The following EYS variants were observed in gnomAD, a reference collection of about 807,000 sequenced individuals.
The protein encoded by EYS is protein eyes shut homolog.
Under a neutral mutation model 282.1 loss-of-function variants are expected in EYS, and 250 were observed. That is an observed-to-expected ratio of 0.89 (90% CI 0.80 to 0.98). EYS has a LOEUF of 0.98. Ranked by LOEUF, EYS falls within the 50% of genes least tolerant of loss-of-function variation. EYS has a pLI of 0.00. For missense variants in EYS, 4,016 were observed against 3,709.0 expected, an observed-to-expected ratio of 1.08 and a Z score of -2.15; for synonymous variants, 1,355 against 1,282.9, an observed-to-expected ratio of 1.06 and a Z score of -1.20.
intron 31 of EYS, among the ~76,000 whole-genome samples, chr6:64,103,689 C>T (rs540623712): frequency 6.6e-6 from 1 of 152,192 alleles, no homozygotes; most frequent in South Asian, 2.1e-4. Context: ...CATCTATGAG[C>T]AGAGAAGCAG....
At chr6:64,494,630 A>G (rs1440589878) in intron 26 of EYS, among the ~76,000 whole-genome samples, 1 of 151,738 alleles carries the variant, frequency 6.6e-6, no homozygotes, top group African/African-American at 2.4e-5. Context: ...TTGGTTCTGC[A>G]TGGAACTTTT....
intron 26 of EYS, among the ~76,000 whole-genome samples, chr6:64,478,224 T>G (rs1776331330): frequency 6.6e-6 from 1 of 151,914 alleles, no homozygotes; most frequent in African/African-American, 2.4e-5. Context: ...GCATGCAATT[T>G]TATTAATATA....
At chr6:64,186,191 T>C (rs1764940061) in intron 31 of EYS, among the ~76,000 whole-genome samples, 1 of 151,894 alleles carries the variant, frequency 6.6e-6, no homozygotes, top group African/African-American at 2.4e-5. Context: ...TTTGTAACTT[T>C]TCAGGAAAGG....
At chr6:65,570,115 G>C (rs542184891) in intron 2 of EYS, among the ~76,000 whole-genome samples, 20 of 127,104 alleles carry the variant, frequency 1.6e-4, no homozygotes, top group Non-Finnish European at 3.3e-4. Flanking sequence ...GGGATAGGTG[G>C]AAAATAAAAA....
rs948998853 is a variant in EYS at position 63,720,972 on chromosome 6, A to G, written c.9059T>C (p.Ile3020Thr). ...GATTCTTTCTCCCAAGTTAACTGCT[A>G]TTTTCAAGGTCTGATTATGGAGACC... is the stretch of plus-strand genomic sequence containing the variant. ...AIGLHNQTLKIAVNLGERISV... is the reference protein window; with the variant it reads ...AIGLHNQTLKTAVNLGERISV... The change falls in exon 43 of 43, where the codon ATA (isoleucine) becomes ACA (threonine). Residue 3020 changes from isoleucine (I) to threonine (T), a missense_variant. Ile to Thr is a moderately conservative substitution (Grantham distance 89). Transcript: ENST00000503581. The G allele has an allele frequency of 1.3e-5, 20 of 1,551,234 alleles. No individual in the cohort carries two copies. Among genetic ancestry groups the G allele is most frequent in the Admixed American group, 7.8e-5 (4 of 50,958 alleles).
At chr6:64,225,039 G>A (rs552614771) in intron 31 of EYS, among the ~76,000 whole-genome samples, 18 of 152,048 alleles carry the variant, frequency 1.2e-4, no homozygotes, top group Admixed American at 5.9e-4. Context: ...TGAATCTTGA[G>A]CAAGTGGCTC....
At chr6:64,492,478 G>A (rs1174465495) in intron 26 of EYS, among the ~76,000 whole-genome samples, 1 of 149,506 alleles carries the variant, frequency 6.7e-6, no homozygotes, top group South Asian at 2.1e-4. Context: ...TTTTGTTGTT[G>A]TTGTTGTTGT....
chr6:64,729,487 A>C (rs1052627926), intron 22 of EYS, among the ~76,000 whole-genome samples: 1 of 152,168 alleles, frequency 6.6e-6, no homozygotes, highest in Non-Finnish European at 1.5e-5. Context: ...TTTTCATAAA[A>C]AGGATATGTC....
intron 35 of EYS, among the ~76,000 whole-genome samples, chr6:63,878,680 A>G (rs1450515603): frequency 2.0e-5 from 3 of 152,080 alleles, no homozygotes; most frequent in Non-Finnish European, 2.9e-5. Flanking sequence ...GCCATGGCAG[A>G]CGCCCCTCCC....
At chr6:64,822,876 A>T in intron 19 of EYS, 54 bp from the exon 20 acceptor site, 1 of 1,458,724 alleles carries the variant, frequency 6.9e-7, no homozygotes, top group South Asian at 1.3e-5. Context: ...CAAAACTCTT[A>T]AAAGTTTGTT....
chr6:64,242,777 CT>C (rs1362793268), intron 30 of EYS, among the ~76,000 whole-genome samples: 1 of 149,560 alleles, frequency 6.7e-6, no homozygotes, highest in Non-Finnish European at 1.5e-5. Flanking sequence ...TAACTTTAAC[CT>C]TAAAATCTCA....
At chr6:65,254,052 G>A (rs1767396221) in intron 12 of EYS, among the ~76,000 whole-genome samples, 1 of 151,802 alleles carries the variant, frequency 6.6e-6, no homozygotes, top group African/African-American at 2.4e-5. Context: ...GAACTTCAAA[G>A]TTTCTAAGAA....
At chr6:65,104,147 G>A (rs1774969525) in intron 12 of EYS, among the ~76,000 whole-genome samples, 1 of 151,278 alleles carries the variant, frequency 6.6e-6, no homozygotes, top group African/African-American at 2.4e-5. Context: ...TTAATAAGAT[G>A]CTTAAGTATT....
intron 22 of EYS, among the ~76,000 whole-genome samples, chr6:64,761,186 GA>G (rs1773145381): frequency 6.6e-6 from 1 of 152,172 alleles, no homozygotes; most frequent in Non-Finnish European, 1.5e-5. Flanking sequence ...AGGCTCAGGA[GA>G]GATTTATGTG....
chr6:65,035,911 A>G (rs1440038956), intron 13 of EYS, among the ~76,000 whole-genome samples: 2 of 147,284 alleles, frequency 1.4e-5, no homozygotes, highest in Non-Finnish European at 3.0e-5. Context: ...TTTTTATATT[A>G]TAGTGTTATA....
intron 36 of EYS, among the ~76,000 whole-genome samples, chr6:63,844,903 C>T (rs1315942314): frequency 6.6e-6 from 1 of 152,030 alleles, no homozygotes; most frequent in Non-Finnish European, 1.5e-5. Context: ...GTTGCAATTG[C>T]TTTTGATGTT....
chr6:65,498,707 A>G (rs1464115186), intron 2 of EYS, among the ~76,000 whole-genome samples: 1 of 152,026 alleles, frequency 6.6e-6, no homozygotes, highest in East Asian at 1.9e-4. Context: ...ATGTATATCT[A>G]TACATGCTGA....
intron 12 of EYS, among the ~76,000 whole-genome samples, chr6:65,253,661 A>T (rs1295232904): frequency 2.0e-5 from 3 of 151,908 alleles, no homozygotes; most frequent in African/African-American, 4.8e-5. Flanking sequence ...AGCAATTTGC[A>T]TTGATTCAGA....
intron 22 of EYS, among the ~76,000 whole-genome samples, chr6:64,627,996 C>A (rs577905932): frequency 6.6e-6 from 1 of 152,292 alleles, no homozygotes; most frequent in African/African-American, 2.4e-5. Flanking sequence ...AGGAGAATGG[C>A]GTGAACCAGG....
Sources: gnomAD v4.1 joint callset for allele counts (sites outside exome capture counted in the v4.1 genomes callset) on GRCh38, gnomAD v4.1.1 for gene constraint, MANE v1.5 for transcripts, NCBI Gene and HGNC (gene_info 2026-07-23, HGNC 2026-07-21) for gene names.